The following CDH18 variants were observed in gnomAD, a reference collection of about 807,000 sequenced individuals.
CDH18 encodes the protein cadherin-18.
CDH18 carries 31 observed loss-of-function variants against 67.9 expected under a neutral mutation model. That is an observed-to-expected ratio of 0.46 (90% CI 0.34 to 0.62). CDH18 has a LOEUF of 0.62. CDH18 is among the 20% of genes least tolerant of loss of function. The pLI is 0.01. For synonymous variants in CDH18, 362 were observed against 347.2 expected (o/e 1.04, Z -0.48); for missense variants, 890 against 975.5 (o/e 0.91, Z 1.17).
chr5:19,645,755 C>T (rs1375042964), intron 5 of CDH18, among the ~76,000 whole-genome samples: 1 of 152,056 alleles, frequency 6.6e-6, no homozygotes, highest in East Asian at 1.9e-4. Context: ...ATGCGACTGC[C>T]ATTAACATCT....
intron 7 of CDH18, among the ~76,000 whole-genome samples, chr5:19,580,248 T>A (rs898493747): frequency 2.0e-5 from 3 of 151,956 alleles, no homozygotes; most frequent in East Asian, 3.9e-4. Flanking sequence ...CACACATGTT[T>A]AAAAATAATT....
At chr5:19,919,883 A>T (rs940105674) in intron 2 of CDH18, among the ~76,000 whole-genome samples, 1 of 152,192 alleles carries the variant, frequency 6.6e-6, no homozygotes, top group East Asian at 1.9e-4. Context: ...TTGAAAGAAG[A>T]GGCAGTCCTG....
intron 2 of CDH18, among the ~76,000 whole-genome samples, chr5:19,970,813 A>C (rs1797949959): frequency 1.3e-5 from 2 of 151,174 alleles, no homozygotes; most frequent in African/African-American, 2.4e-5. Flanking sequence ...ATAAGTGTTT[A>C]AAATAATAAA....
chr5:20,201,681 C>T (rs1042988044), intron 2 of CDH18, among the ~76,000 whole-genome samples: 1 of 151,852 alleles, frequency 6.6e-6, no homozygotes, highest in Non-Finnish European at 1.5e-5. Flanking sequence ...ATTATTTATG[C>T]TAGAGAGAAT....
At chr5:20,273,019 C>T (rs1745551154) in intron 1 of CDH18, among the ~76,000 whole-genome samples, 1 of 152,026 alleles carries the variant, frequency 6.6e-6, no homozygotes, top group Non-Finnish European at 1.5e-5. Flanking sequence ...AAACAATTTA[C>T]TATATGCTGA....
chr5:19,683,165 T>A (rs185930622), intron 5 of CDH18, among the ~76,000 whole-genome samples: 2 of 151,946 alleles, frequency 1.3e-5, no homozygotes, highest in Admixed American at 6.6e-5. Context: ...CTGCAAGTGA[T>A]CAACAGACCT....
intron 1 of CDH18, among the ~76,000 whole-genome samples, chr5:20,472,700 G>A (rs73767536): frequency 0.055 from 8,377 of 152,216 alleles, 762 homozygotes; most frequent in African/African-American, 0.19. Flanking sequence ...ATTCAACAGC[G>A]TGCTATGTTT....
At chr5:19,819,364 C>T (rs1003748466) in intron 3 of CDH18, among the ~76,000 whole-genome samples, 11 of 152,178 alleles carry the variant, frequency 7.2e-5, no homozygotes, top group Middle Eastern at 3.2e-3. Flanking sequence ...GGAGATGTCT[C>T]TTCCAACAAG....
intron 1 of CDH18, among the ~76,000 whole-genome samples, chr5:19,985,569 G>C (rs956644943): frequency 2.0e-5 from 3 of 151,882 alleles, no homozygotes; most frequent in Non-Finnish European, 4.4e-5. Context: ...ATGCTACTAA[G>C]GAGCCTACAA....
intron 11 of CDH18, 106 bp from the exon 12 acceptor site, chr5:19,483,658 T>G: frequency 8.2e-7 from 1 of 1,219,728 alleles, no homozygotes; most frequent in Non-Finnish European, 1.1e-6. Flanking sequence ...CTTGTTTCAG[T>G]TTATGAAATG....
At chr5:19,962,591 T>G (rs6878630) in intron 2 of CDH18, among the ~76,000 whole-genome samples, 18,868 of 151,578 alleles carry the variant, frequency 0.12, 3,410 homozygotes, top group African/African-American at 0.4. Flanking sequence ...TTGGCCAACA[T>G]GGTGAAACCC....
At chr5:19,991,670 G>C (rs1799984151), upstream of CDH18, among the ~76,000 whole-genome samples, 1 of 152,018 alleles carries the variant, frequency 6.6e-6, no homozygotes. Context: ...ATCTAATTTA[G>C]TTAACCTTTA....
chr5:19,587,686 G>A (rs774284535), intron 7 of CDH18, among the ~76,000 whole-genome samples: 5 of 150,218 alleles, frequency 3.3e-5, no homozygotes, highest in Non-Finnish European at 7.4e-5. Context: ...ATGTTGTTTT[G>A]GTTACTGTAG....
intron 1 of CDH18, among the ~76,000 whole-genome samples, chr5:20,288,609 T>A (rs942074587): frequency 4.6e-5 from 7 of 151,790 alleles, no homozygotes; most frequent in African/African-American, 1.4e-4. Flanking sequence ...AAGGGATACC[T>A]AACAAATAAA....
At chr5:20,482,499 C>T (rs1257905635) in intron 1 of CDH18, among the ~76,000 whole-genome samples, 2 of 151,876 alleles carry the variant, frequency 1.3e-5, no homozygotes, top group African/African-American at 4.8e-5. Flanking sequence ...AATATTCTTG[C>T]TGAAGGTATA....
At chr5:20,172,184 T>TTG (rs199661795) in intron 2 of CDH18, among the ~76,000 whole-genome samples, 4,971 of 25,028 alleles carry the variant, frequency 0.2, 434 homozygotes, top group Middle Eastern at 0.26. Flanking sequence ...ATCAATAGCA[T>TTG]TGTGTGTATA....
intron 1 of CDH18, among the ~76,000 whole-genome samples, chr5:20,549,062 T>G (rs1042789826): frequency 6.6e-6 from 1 of 152,172 alleles, no homozygotes; most frequent in Non-Finnish European, 1.5e-5. Flanking sequence ...TGTCTCATGC[T>G]GCCTGTGATA....
At chr5:20,349,327 A>G (rs1183337451) in intron 1 of CDH18, among the ~76,000 whole-genome samples, 3 of 152,108 alleles carry the variant, frequency 2.0e-5, no homozygotes, top group Admixed American at 1.3e-4. Context: ...TTTTAGTATG[A>G]TGTGATTTAA....
intron 2 of CDH18, among the ~76,000 whole-genome samples, chr5:19,955,378 AT>A (rs567139412): frequency 4.5e-4 from 69 of 152,258 alleles, no homozygotes; most frequent in African/African-American, 1.5e-3. Flanking sequence ...AAGTACAACA[AT>A]AAAAGCAAAA....
Sources: gnomAD v4.1 joint callset for allele counts (sites outside exome capture counted in the v4.1 genomes callset) on GRCh38, gnomAD v4.1.1 for gene constraint, MANE v1.5 for transcripts, NCBI Gene and HGNC (gene_info 2026-07-23, HGNC 2026-07-21) for gene names.